The following TMEM45B variants were observed in gnomAD, a reference collection of about 807,000 sequenced individuals.
TMEM45B encodes transmembrane protein 45B.
TMEM45B carries 29 observed loss-of-function variants against 27.3 expected under a neutral mutation model. The ratio of observed to expected loss-of-function variants is 1.06; its 90% confidence interval spans 0.79 to 1.45. TMEM45B has a LOEUF of 1.45. TMEM45B is among the 40% of genes most tolerant of loss of function. TMEM45B has a pLI of 0.00. For missense variants in TMEM45B, 348 were observed against 343.9 expected (o/e 1.01, Z -0.09); for synonymous variants, 143 against 134.7 (o/e 1.06, Z -0.43).
At position 129,845,337 on chromosome 11, in the gene TMEM45B, ATGTGTGTG is replaced by A. The variant is rs10628378; in HGVS notation, c.-8-7114_-8-7107del. The stretch of plus-strand genomic sequence containing the variant: ...GGGGTAGGAAATAGAGCTATTATAG[ATGTGTGTG>A]TGTGTGTGTGTGTGTGTGTGTGTAT... On this transcript the variant is annotated intron_variant, in intron 1 of 5. Coordinates refer to ENST00000281441, the MANE Select transcript of TMEM45B (RefSeq NM_138788.5). Among the ~76,000 whole-genome samples, 136 of 121,526 alleles carry A rather than the reference ATGTGTGTG, an allele frequency of 1.1e-3. 2 individuals carry two copies. In the East Asian group the frequency reaches 0.023, roughly 20 times the overall value. 79.7% of individuals were successfully genotyped at this position (121,526 alleles called of 152,430 possible).
rs1947860953 is a variant in TMEM45B at position 129,852,482 on chromosome 11, G to T, written c.-1G>T. The T allele has an allele frequency of 6.3e-7, 1 of 1,589,008 alleles. No individual in the cohort carries two copies. The highest frequency in any genetic ancestry group is 1.3e-5 in the African/African-American group (1 of 74,454). On this transcript the variant is annotated 5_prime_UTR_variant, in exon 2 of 6. Coordinates refer to ENST00000281441, the MANE Select transcript of TMEM45B (RefSeq NM_138788.5). ...CTTCCCCTAATTTTTTAGGTGTCCT[G>T]ATGGCAAATTTCAAGGGCCACGCGC...
chr11:129,852,529 T>C lies in TMEM45B; in HGVS notation c.47T>C (p.Ile16Thr). Residue 16 changes from isoleucine (I) to threonine (T), a missense_variant, in exon 2 of 6, where the codon ATC becomes ACC. Transcript: ENST00000281441. ...GCGCTTCCAGGGAGTTTCTTCCTGA[T>C]CATTGGGCTGTGTTGGTCAGTGAAG... ...GHALPGSFFL[I>T]IGLCWSVKYP... The C allele has an allele frequency of 6.2e-7, 1 of 1,612,420 alleles. No individual in the cohort carries two copies. The highest frequency in any genetic ancestry group is 8.5e-7 in the Non-Finnish European group (1 of 1,178,558).
At chr11:129,833,249 AC>A (rs138869684) in intron 1 of TMEM45B, among the ~76,000 whole-genome samples, 46,985 of 149,466 alleles carry the variant, frequency 0.31, 8,053 homozygotes, top group East Asian at 0.47. Context: ...CAAAAAATAA[AC>A]AGAAAAATAA....
At chr11:129,820,263 C>T (rs183577639) in intron 1 of TMEM45B, among the ~76,000 whole-genome samples, 9 of 152,044 alleles carry the variant, frequency 5.9e-5, no homozygotes, top group Admixed American at 3.9e-4. Flanking sequence ...TGCAGTGAGC[C>T]GAGATCATGC....
At chr11:129,839,160 A>G (rs1947659991) in intron 1 of TMEM45B, among the ~76,000 whole-genome samples, 1 of 152,208 alleles carries the variant, frequency 6.6e-6, no homozygotes. Context: ...GAAGGATCCA[A>G]TGATCTCCCT....
chr11:129,841,584 G>GTTTTTTTTTTT (rs1192996579), intron 1 of TMEM45B, among the ~76,000 whole-genome samples: 16 of 102,558 alleles, frequency 1.6e-4, no homozygotes, highest in Admixed American at 3.3e-4. Context: ...GTTTTCTTTT[G>GTTTTTTTTTTT]TTTTTTTGTT....
intron 1 of TMEM45B, among the ~76,000 whole-genome samples, chr11:129,823,758 C>G (rs552818497): frequency 6.6e-6 from 1 of 152,234 alleles, no homozygotes; most frequent in South Asian, 2.1e-4. Flanking sequence ...TGAAAACTCC[C>G]CATATCACCC....
chr11:129,852,617 C>T lies in TMEM45B; in HGVS notation c.135C>T (p.Leu45=), dbSNP rs115605173. The change falls in exon 2 of 6, where the codon CTC becomes CTT. Residue 45 remains leucine (L), a synonymous_variant. Transcript: ENST00000281441. ...KNSPLHYYQR[L]EIVEAAIRTL... ...GCCCACTACATTACTATCAGCGTCT[C>T]GAGATCGTCGAAGCCGCAATTAGGA... 2,973 of 1,612,430 alleles carry T rather than the reference C, an allele frequency of 1.8e-3. 34 individuals are homozygous for T. The African/African-American group carries it at 0.025, about 13-fold the overall frequency.
At chr11:129,840,972 C>CAAAAAAAAAAAAAAAAAAAAAAAAAAA (rs1947683681) in intron 1 of TMEM45B, among the ~76,000 whole-genome samples, 1 of 78,916 alleles carries the variant, frequency 1.3e-5, no homozygotes, top group Admixed American at 1.2e-4. Flanking sequence ...AAAAAAAAAG[C>CAAAAAAAAAAAAAAAAAAAAAAAAAAA]AACAAACAAC....
chr11:129,829,417 G>A (rs1947522771), intron 1 of TMEM45B, among the ~76,000 whole-genome samples: 1 of 152,146 alleles, frequency 6.6e-6, no homozygotes, highest in South Asian at 2.1e-4. Flanking sequence ...TTACTTTTAA[G>A]TATATTCTTT....
At chr11:129,849,241 T>A (rs1172346177) in intron 1 of TMEM45B, among the ~76,000 whole-genome samples, 1 of 152,206 alleles carries the variant, frequency 6.6e-6, no homozygotes. Flanking sequence ...TGAATTCAAA[T>A]GAGTTGCGTA....
chr11:129,831,430 T>C (rs901659350), intron 1 of TMEM45B, among the ~76,000 whole-genome samples: 7 of 152,222 alleles, frequency 4.6e-5, no homozygotes, highest in African/African-American at 1.7e-4. Context: ...CTAATGGTTA[T>C]GCTGGAGAAA....
chr11:129,846,950 G>C (rs1410000047), intron 1 of TMEM45B, among the ~76,000 whole-genome samples: 1 of 152,184 alleles, frequency 6.6e-6, no homozygotes, highest in Non-Finnish European at 1.5e-5. Flanking sequence ...GATGAGTGCT[G>C]GGAGAAATCA....
rs1477096972 is a variant in TMEM45B, at chr11:129,852,590, C to G, written c.108C>G (p.Asn36Lys). Residue 36 changes from asparagine to lysine, a missense_variant, in exon 2 of 6, where the codon AAC (asparagine) becomes AAG (lysine). Coordinates refer to ENST00000281441, the MANE Select transcript of TMEM45B (RefSeq NM_138788.5). ...AGTACTTTAGCCACACGCGGAAGAA[C>G]AGCCCACTACATTACTATCAGCGTC... ...PLKYFSHTRK[N>K]SPLHYYQRLE... The G allele has an allele frequency of 6.2e-7, 1 of 1,613,884 alleles. No individual in the cohort carries two copies. Among genetic ancestry groups the G allele is most frequent in the East Asian group, 2.2e-5 (1 of 44,880 alleles).
At chr11:129,849,381 C>T (rs1200193213) in intron 1 of TMEM45B, among the ~76,000 whole-genome samples, 1 of 152,162 alleles carries the variant, frequency 6.6e-6, no homozygotes, top group African/African-American at 2.4e-5. Flanking sequence ...AGATCTTAGG[C>T]TTGAGAATAA....
chr11:129,838,229 G>A (rs1024047059), intron 1 of TMEM45B, among the ~76,000 whole-genome samples: 1 of 152,146 alleles, frequency 6.6e-6, no homozygotes, highest in Non-Finnish European at 1.5e-5. Context: ...GGATCTCACA[G>A]CCTCGACATT....
intron 1 of TMEM45B, among the ~76,000 whole-genome samples, chr11:129,829,433 A>C (rs1352341140): frequency 6.6e-6 from 1 of 152,234 alleles, no homozygotes; most frequent in Non-Finnish European, 1.5e-5. Flanking sequence ...TCTTTTGGTC[A>C]GTCCCAATCT....
At chr11:129,817,809 A>G (rs1947370150) in intron 1 of TMEM45B, among the ~76,000 whole-genome samples, 1 of 152,222 alleles carries the variant, frequency 6.6e-6, no homozygotes, top group South Asian at 2.1e-4. Flanking sequence ...TGTTCAAAGT[A>G]CAGATGTTAC....
intron 1 of TMEM45B, among the ~76,000 whole-genome samples, chr11:129,834,823 AAAAAAAAG>A (rs1321694034): frequency 6.6e-6 from 1 of 151,994 alleles, no homozygotes; most frequent in Non-Finnish European, 1.5e-5. Context: ...CAAAAAAAAA[AAAAAAAAG>A]AGAGAGAAAC....
Sources: gnomAD v4.1 joint callset for allele counts (sites outside exome capture counted in the v4.1 genomes callset) on GRCh38, gnomAD v4.1.1 for gene constraint, MANE v1.5 for transcripts, NCBI Gene and HGNC (gene_info 2026-07-23, HGNC 2026-07-21) for gene names.